TMEM229B: variants seen among roughly 807,000 people sequenced by gnomAD.
TMEM229B encodes the protein transmembrane protein 229B.
Under a neutral mutation model 13.7 loss-of-function variants are expected in TMEM229B, and 6 were observed. The observed-to-expected ratio is 0.44, with a 90% confidence interval of 0.24 to 0.86. TMEM229B has a LOEUF of 0.86. Ranked by LOEUF, TMEM229B falls within the 40% of genes least tolerant of loss-of-function variation. The pLI is 0.23. For synonymous variants in TMEM229B, 107 were observed against 102.1 expected, an observed-to-expected ratio of 1.05 and a Z score of -0.29; for missense variants, 170 against 236.0, an observed-to-expected ratio of 0.72 and a Z score of 1.83.
chr14:67,479,725 G>GA (rs937823631), intron 2 of TMEM229B, among the ~76,000 whole-genome samples: 10 of 149,498 alleles, frequency 6.7e-5, no homozygotes, highest in South Asian at 2.1e-4. Context: ...CTCAAAAAAG[G>GA]AAAAAAAAAT....
intron 2 of TMEM229B, among the ~76,000 whole-genome samples, chr14:67,480,417 G>A (rs902830204): frequency 6.6e-6 from 1 of 152,178 alleles, no homozygotes; most frequent in South Asian, 2.1e-4. Context: ...TGTGGCTACC[G>A]AGGGATGAAT....
intron 1 of TMEM229B, among the ~76,000 whole-genome samples, chr14:67,501,522 A>T (rs1331218371): frequency 6.6e-6 from 1 of 151,724 alleles, no homozygotes; most frequent in African/African-American, 2.4e-5. Flanking sequence ...GAACTGCTGC[A>T]CCCAGCCAAG....
At chr14:67,520,184 T>C (rs576249683), upstream of TMEM229B, among the ~76,000 whole-genome samples, 2 of 152,332 alleles carry the variant, frequency 1.3e-5, no homozygotes, top group South Asian at 4.1e-4. Flanking sequence ...TGCTTTGACA[T>C]ATCATTATCA....
intron 1 of TMEM229B, among the ~76,000 whole-genome samples, chr14:67,504,724 A>C (rs1341939628): frequency 6.6e-6 from 1 of 152,148 alleles, no homozygotes; most frequent in Non-Finnish European, 1.5e-5. Flanking sequence ...GTCTCTACTA[A>C]AAATACAAAA....
intron 2 of TMEM229B, among the ~76,000 whole-genome samples, chr14:67,475,157 C>T (rs896830566): frequency 2.0e-5 from 3 of 152,184 alleles, no homozygotes; most frequent in Admixed American, 6.5e-5. Flanking sequence ...TCAGGTGATC[C>T]GCCCGCCTTG....
chr14:67,470,289 A>AT lies in TMEM229B; in HGVS notation c.*3130dup, dbSNP rs1255632230. The stretch of plus-strand genomic sequence containing the variant: ...AGTCCTGGAACACAAACACCAGTAT[A>AT]TTTTATGTGCACAAATGTGAAAAGG... On this transcript the variant is annotated 3_prime_UTR_variant, in exon 3 of 3. Coordinates refer to ENST00000554480, the MANE Select transcript of TMEM229B (RefSeq NM_001348543.2). 1 of 152,254 alleles carries AT rather than the reference A, an allele frequency of 6.6e-6. No individual in the cohort carries two copies. Among genetic ancestry groups the AT allele is most frequent in the Non-Finnish European group, 1.5e-5 (1 of 68,070 alleles). The allele number at this position is 152,254 out of a possible 1,614,324, so 9.4% of individuals were successfully genotyped here.
rs896368785 is a variant in TMEM229B, at chr14:67,473,824, C to T, written c.100G>A (p.Val34Met). ...EVMFTAAWEF[V>M]VNLNWKFPGV... ...GGGAACTTCCAGTTCAAGTTCACCACGAACTCCCAGGCCGCTGTGAACATC... is the reference window on the plus strand; with the variant it reads ...GGGAACTTCCAGTTCAAGTTCACCATGAACTCCCAGGCCGCTGTGAACATC... The change falls in exon 3 of 3, where the codon GTG becomes ATG. Residue 34 changes from valine (V) to methionine (M), a missense_variant. Val to Met is a conservative substitution (Grantham distance 21). Coordinates refer to ENST00000554480, the MANE Select transcript of TMEM229B (RefSeq NM_001348543.2). This position sits in a 1 kb window ranked among gnomAD's most constrained non-coding sequence, Gnocchi z 6.5. The T allele has an allele frequency of 1.2e-6, 2 of 1,613,616 alleles. No individual in the cohort carries two copies. The highest frequency in any genetic ancestry group is 1.1e-5 in the South Asian group (1 of 90,910).
upstream of TMEM229B, among the ~76,000 whole-genome samples, chr14:67,491,364 G>A (rs1463177550): frequency 6.6e-6 from 1 of 152,098 alleles, no homozygotes; most frequent in Non-Finnish European, 1.5e-5. Context: ...TTGGAGGTTG[G>A]AGGGTGAGGC....
intron 2 of TMEM229B, among the ~76,000 whole-genome samples, chr14:67,476,967 A>G (rs1302815202): frequency 6.6e-6 from 1 of 152,142 alleles, no homozygotes; most frequent in Non-Finnish European, 1.5e-5. Context: ...CTCTACTAAA[A>G]ATACAAAAAA....
At chr14:67,507,510 G>A (rs576288212) in intron 1 of TMEM229B, among the ~76,000 whole-genome samples, 3 of 152,078 alleles carry the variant, frequency 2.0e-5, no homozygotes, top group Non-Finnish European at 4.4e-5. Flanking sequence ...GTGCAGTGGT[G>A]TGGTCACAGC....
intron 1 of TMEM229B, among the ~76,000 whole-genome samples, chr14:67,507,860 T>C (rs915609996): frequency 2.6e-5 from 4 of 152,084 alleles, no homozygotes; most frequent in African/African-American, 4.8e-5. Flanking sequence ...ATGACTGGGC[T>C]GGGCATGTTG....
chr14:67,505,348 G>A (rs892460069), intron 1 of TMEM229B, among the ~76,000 whole-genome samples: 2 of 152,136 alleles, frequency 1.3e-5, no homozygotes, highest in Non-Finnish European at 2.9e-5. Flanking sequence ...GACCACTCAG[G>A]AAACTTGATG....
intron 2 of TMEM229B, among the ~76,000 whole-genome samples, chr14:67,485,978 G>A (rs142675869): frequency 6.6e-6 from 1 of 152,348 alleles, no homozygotes; most frequent in Non-Finnish European, 1.5e-5. Context: ...TAGACCAGCA[G>A]CACATGCATT....
intron 1 of TMEM229B, among the ~76,000 whole-genome samples, chr14:67,497,102 C>CAT (rs145391266): frequency 0.094 from 14,283 of 152,098 alleles, 705 homozygotes; most frequent in Middle Eastern, 0.13. Context: ...TTCTCTCTCT[C>CAT]TCTTTCAAGA....
chr14:67,496,797 T>TCTTGCTTG lies in TMEM229B; in HGVS notation c.-191-9633_-191-9626dup, dbSNP rs10684901. Among the ~76,000 whole-genome samples, 36 of 142,756 alleles carry TCTTGCTTG rather than the reference T, an allele frequency of 2.5e-4. 1 individual carries two copies. Among genetic ancestry groups the TCTTGCTTG allele is most frequent in the South Asian group, 7.1e-4 (3 of 4,254 alleles). 93.7% of individuals were successfully genotyped at this position (142,756 alleles called of 152,430 possible). ...TCCCTCCCTCATTTCTGTCTTTCTT[T>TCTTGCTTG]CTTGCTTGCTTGCTTGCTTGCCAGA... is the stretch of plus-strand genomic sequence containing the variant. On this transcript the variant is annotated intron_variant, in intron 1 of 2. Coordinates refer to the TMEM229B transcript ENST00000357461.
intron 1 of TMEM229B, among the ~76,000 whole-genome samples, chr14:67,530,350 C>T (rs887114490): frequency 2.6e-5 from 4 of 152,056 alleles, no homozygotes; most frequent in African/African-American, 9.7e-5. Context: ...AAGGTCCCAC[C>T]ACCACTTAAG....
chr14:67,533,303 G>C (rs1438049300), intron 1 of TMEM229B: 1 of 151,808 alleles, frequency 6.6e-6, no homozygotes, highest in Non-Finnish European at 1.5e-5. Flanking sequence ...GGCAGCCCGG[G>C]ACTCCGGCGA....
chr14:67,509,682 C>T (rs1437738248), intron 1 of TMEM229B, among the ~76,000 whole-genome samples: 1 of 152,166 alleles, frequency 6.6e-6, no homozygotes, highest in Non-Finnish European at 1.5e-5. Flanking sequence ...AACATTTGGT[C>T]TATTATCTGA....
intron 1 of TMEM229B, among the ~76,000 whole-genome samples, chr14:67,494,159 T>C (rs746244067): frequency 3.9e-5 from 6 of 152,170 alleles, no homozygotes; most frequent in Non-Finnish European, 7.3e-5. Flanking sequence ...GTCTTGCTAA[T>C]GCTTAAAATA....
Sources: gnomAD v4.1 joint callset for allele counts (sites outside exome capture counted in the v4.1 genomes callset) on GRCh38, gnomAD v4.1.1 for gene constraint, Gnocchi (gnomAD v3.1) non-coding constraint, MANE v1.5 for transcripts, NCBI Gene and HGNC (gene_info 2026-07-23, HGNC 2026-07-21) for gene names.